KIF26A: variants seen among roughly 807,000 people sequenced by gnomAD.
KIF26A encodes kinesin-like protein KIF26A.
KIF26A carries 74 observed loss-of-function variants against 126.0 expected under a neutral mutation model. That is an observed-to-expected ratio of 0.59 (90% confidence interval 0.49 to 0.71). KIF26A has a LOEUF of 0.71. KIF26A is among the 30% of genes least tolerant of loss of function. KIF26A has a pLI of 0.00. For missense variants in KIF26A, 2,984 were observed against 2,763.3 expected (o/e 1.08, Z -1.79); for synonymous variants, 1,445 against 1,232.7 (o/e 1.17, Z -3.61).
chr14:104,176,115 C>T lies in KIF26A; in HGVS notation c.3327C>T (p.Ser1109=), dbSNP rs1566865720. 2 of 1,583,170 alleles carry T rather than the reference C, an allele frequency of 1.3e-6. No homozygotes were observed. Among genetic ancestry groups the T allele is most frequent in the Admixed American group, 3.6e-5 (2 of 56,102 alleles). The part of the protein sequence containing the change: ...AAWAGSSHGS[S]ISSWLSEVSV... ...GGGCCGGCAGCAGTCACGGCTCCTC[C>T]ATCAGCTCCTGGCTCAGCGAGGTCA... The change falls in exon 12 of 15, where the codon TCC becomes TCT. Residue 1109 remains serine, a synonymous_variant. Transcript: ENST00000423312.
chr14:104,157,131 T>C (rs1033190580), intron 3 of KIF26A, among the ~76,000 whole-genome samples: 6 of 152,010 alleles, frequency 3.9e-5, no homozygotes, highest in African/African-American at 1.5e-4. Flanking sequence ...CGTGCGGAGG[T>C]GGAGCTCACG....
chr14:104,144,205 A>G (rs1056123939), intron 2 of KIF26A, among the ~76,000 whole-genome samples: 1 of 152,130 alleles, frequency 6.6e-6, no homozygotes, highest in Non-Finnish European at 1.5e-5. Flanking sequence ...GAGGATGGGC[A>G]TTTGGGGGAG....
At chr14:104,154,463 G>A (rs2037758691) in intron 3 of KIF26A, among the ~76,000 whole-genome samples, 3 of 152,214 alleles carry the variant, frequency 2.0e-5, no homozygotes, top group Admixed American at 2.0e-4. Context: ...CACATCTTGA[G>A]CATCCAGAGA....
intron 7 of KIF26A, 114 bp downstream of exon 7, chr14:104,172,782 C>A: frequency 9.3e-7 from 1 of 1,069,916 alleles, no homozygotes; most frequent in Non-Finnish European, 1.3e-6. Flanking sequence ...ACACATGGGC[C>A]GTGGTGGGCA....
At chr14:104,154,442 C>G (rs900056221) in intron 3 of KIF26A, among the ~76,000 whole-genome samples, 3 of 152,210 alleles carry the variant, frequency 2.0e-5, no homozygotes, top group Non-Finnish European at 4.4e-5. Context: ...CAGGTGGGGC[C>G]TGGAACATCC....
chr14:104,150,215 T>TCCC (rs2037715835), intron 2 of KIF26A, among the ~76,000 whole-genome samples: 1 of 100,376 alleles, frequency 1.0e-5, no homozygotes, highest in African/African-American at 3.6e-5. Flanking sequence ...CCCCTCCTCC[T>TCCC]CCTCCTCCTC....
intron 9 of KIF26A, 91 bp from the exon 10 acceptor site, chr14:104,173,615 G>A (rs1270780638): frequency 5.9e-6 from 9 of 1,537,466 alleles, no homozygotes; most frequent in Non-Finnish European, 7.9e-6. Flanking sequence ...ATGTCCCTGG[G>A]GTTGTCCCCA....
chr14:104,174,382 G>C, intron 11 of KIF26A, 72 bp downstream of exon 11: 1 of 1,400,976 alleles, frequency 7.1e-7, no homozygotes, highest in Non-Finnish European at 9.4e-7. Context: ...GCCTCTGCTG[G>C]CCTGGTTGGG....
Position 104,171,840 on chromosome 14 carries a change from G to A in KIF26A, c.1231G>A (p.Gly411Ser), listed in dbSNP as rs375034353. 47 of 1,556,392 alleles carry A rather than the reference G, an allele frequency of 3.0e-5. No individual in the cohort carries two copies. Among genetic ancestry groups the A allele is most frequent in the Non-Finnish European group, 3.9e-5 (45 of 1,151,158 alleles). The change falls in exon 6 of 15, where the codon GGT (glycine) becomes AGT (serine). Residue 411 changes from glycine (G) to serine (S), a missense_variant. By Grantham distance (56) the Gly-to-Ser change is moderately conservative (BLOSUM62 0). Coordinates refer to ENST00000423312, the MANE Select transcript of KIF26A (RefSeq NM_015656.2). ...GGTGATCCTCTACGATCCCGCCGCC[G>A]GTCCCCCAGGCAGCGCAGGCCCCCG... is the stretch of plus-strand genomic sequence containing the variant. ...KQVILYDPAA[G>S]PPGSAGPRRA...
chr14:104,176,949 GGC>G lies in KIF26A; in HGVS notation c.4165_4166del (p.Arg1389GlyfsTer20). On this transcript the variant is annotated frameshift_variant, in exon 12 of 15. Coordinates refer to ENST00000423312, the MANE Select transcript of KIF26A (RefSeq NM_015656.2). LOFTEE classifies it high-confidence loss of function. ...CGGCCCCTCCGCATGCTGTGAACCCGGCGCGGGTCGGGGCTGCTGCTGTCCTT... is the reference window on the plus strand; with the variant it reads ...CGGCCCCTCCGCATGCTGTGAACCCGGCGGGTCGGGGCTGCTGCTGTCCTT... ...ASAPPHAVNP[A>X]RVGAAAVLRG... The G allele has an allele frequency of 6.5e-7, 1 of 1,531,776 alleles. No individual in the cohort carries two copies. The highest frequency in any genetic ancestry group is 8.7e-7 in the Non-Finnish European group (1 of 1,143,970). 94.9% of individuals were successfully genotyped at this position (1,531,776 alleles called of 1,614,324 possible).
rs910778129 is a variant in KIF26A at position 104,178,853 on chromosome 14, G to T, written c.5316+98G>T. 2.4e-5 allele frequency: 17 copies of T among 711,760 alleles called. No individual in the cohort carries two copies. The African/African-American group carries it at 2.7e-4, about 11-fold the overall frequency. The allele number at this position is 711,760 out of a possible 1,614,324, so 44.1% of individuals were successfully genotyped here. A position where few individuals can be genotyped will look rare whatever the true frequency, so the allele number is the denominator to read the frequency against. On this transcript the variant is annotated intron_variant, in intron 13 of 14. Transcript: ENST00000423312. Reference sequence around the variant, plus strand: ...TGATGGGCTCGCCAGGCCTCTGGGGGTGTGGCTGGGCAGCCCCTGACCTCA... The same window carrying T: ...TGATGGGCTCGCCAGGCCTCTGGGGTTGTGGCTGGGCAGCCCCTGACCTCA...
Position 104,152,191 on chromosome 14 carries a change from C to G in KIF26A, c.465C>G (p.Pro155=), listed in dbSNP as rs767810884. 1 of 1,606,270 alleles carries G rather than the reference C, an allele frequency of 6.2e-7. No individual in the cohort carries two copies. The highest frequency in any genetic ancestry group is 8.5e-7 in the Non-Finnish European group (1 of 1,177,752). ...APASHEDLDA[P]HGGPSLAPPS... ...CCAGCCATGAGGACCTTGACGCCCC[C>G]CATGGAGGCCCCAGCCTCGCACCCC... Residue 155 remains proline (P), a synonymous_variant, in exon 3 of 15, where the codon CCC becomes CCG. Transcript: ENST00000423312. This position sits in a 1 kb window ranked among gnomAD's most constrained non-coding sequence, Gnocchi z 5.9.
At chr14:104,174,039 G>A (rs934840787) in intron 10 of KIF26A, 109 bp from the exon 11 acceptor site, 34 of 1,409,186 alleles carry the variant, frequency 2.4e-5, no homozygotes, top group Non-Finnish European at 2.7e-5. Flanking sequence ...ACGCTGGGCT[G>A]GTGCCGGAGC....
chr14:104,178,435 T>A (rs2038060267), intron 12 of KIF26A, 115 bp from the exon 13 acceptor site: 1 of 762,032 alleles, frequency 1.3e-6, no homozygotes, highest in African/African-American at 1.8e-5. Context: ...ATTCCTGGAC[T>A]GGATCCCGAA....
At chr14:104,145,260 C>T (rs764337905) in intron 2 of KIF26A, among the ~76,000 whole-genome samples, 1 of 152,242 alleles carries the variant, frequency 6.6e-6, no homozygotes, top group African/African-American at 2.4e-5. Flanking sequence ...GTTTCGTTCA[C>T]GGGCGTGCCC....
chr14:104,155,667 G>A (rs1009221148), intron 3 of KIF26A, among the ~76,000 whole-genome samples: 1 of 152,256 alleles, frequency 6.6e-6, no homozygotes, highest in Non-Finnish European at 1.5e-5. Flanking sequence ...GGCAGTGGCC[G>A]TCCCGGCGGA....
At chr14:104,166,690 C>A (rs80005485) in intron 4 of KIF26A, among the ~76,000 whole-genome samples, 169 bp from the exon 5 acceptor site, 1 of 152,142 alleles carries the variant, frequency 6.6e-6, no homozygotes, top group African/African-American at 2.4e-5. Context: ...CAGCCTGAAC[C>A]GTCCACTGTA....
intron 5 of KIF26A, among the ~76,000 whole-genome samples, chr14:104,171,438 C>G (rs1318360138): frequency 6.6e-6 from 1 of 151,170 alleles, no homozygotes; most frequent in Non-Finnish European, 1.5e-5. Context: ...CTCACGGAGG[C>G]GCCCGGAGCC....
Position 104,152,697 on chromosome 14 carries a change from G to A in KIF26A, c.735+236G>A, listed in dbSNP as rs183146726. On this transcript the variant is annotated intron_variant, in intron 3 of 14. Transcript: ENST00000423312. This position sits in a 1 kb window ranked among gnomAD's most constrained non-coding sequence, Gnocchi z 5.9. ...CAGGGAATACCTTCTCTGGGAGCACGTGCCCCTCCCTGTCTGTCTTTTGAG... is the reference window on the plus strand; with the variant it reads ...CAGGGAATACCTTCTCTGGGAGCACATGCCCCTCCCTGTCTGTCTTTTGAG... 8.7e-4 allele frequency among the ~76,000 whole-genome samples: 133 copies of A among 152,314 alleles called. No individual in the cohort carries two copies. The highest frequency in any genetic ancestry group is 2.4e-3 in the Admixed American group (36 of 15,308).
Sources: gnomAD v4.1 joint callset for allele counts (sites outside exome capture counted in the v4.1 genomes callset) on GRCh38, gnomAD v4.1.1 for gene constraint, Gnocchi (gnomAD v3.1) non-coding constraint, MANE v1.5 for transcripts, NCBI Gene and HGNC (gene_info 2026-07-23, HGNC 2026-07-21) for gene names.